Variants in NOL4 observed in about 807,000 individuals in gnomAD.
The protein encoded by NOL4 is cancer/testis antigen 125.
NOL4 carries 17 observed loss-of-function variants against 75.9 expected under a neutral mutation model. The ratio of observed to expected loss-of-function variants is 0.22; its 90% confidence interval spans 0.15 to 0.34. The LOEUF is 0.34. Ranked by LOEUF, NOL4 falls within the 10% of genes least tolerant of loss-of-function variation. NOL4 has a pLI of 1.00. For missense variants in NOL4, 614 were observed against 793.5 expected, an observed-to-expected ratio of 0.77 and a Z score of 2.72; for synonymous variants, 292 against 289.9, an observed-to-expected ratio of 1.01 and a Z score of -0.07.
intron 1 of NOL4, among the ~76,000 whole-genome samples, chr18:34,216,477 A>C (rs978603029): frequency 1.3e-5 from 2 of 152,054 alleles, no homozygotes; most frequent in Admixed American, 1.3e-4. Flanking sequence ...AATCAAATCA[A>C]GGAATTCAGA....
intron 1 of NOL4, among the ~76,000 whole-genome samples, chr18:34,203,271 C>A (rs1332671349): frequency 6.6e-6 from 1 of 151,848 alleles, no homozygotes; most frequent in Non-Finnish European, 1.5e-5. Flanking sequence ...GAACAGGGGT[C>A]ATGGCAGGAT....
Position 34,175,133 on chromosome 18 carries a change from C to T in NOL4, c.265-45113G>A, listed in dbSNP as rs915415662. On this transcript the variant is annotated intron_variant, in intron 1 of 10. Coordinates refer to ENST00000261592, the MANE Select transcript of NOL4 (RefSeq NM_003787.5). ...TTTATTGCGGCACTATTCACAATGG[C>T]CCACATTCCTATACAGCCTGGTAGC... Among the ~76,000 whole-genome samples, 24 of 152,230 alleles carry T rather than the reference C, an allele frequency of 1.6e-4. 1 individual carries two copies. The East Asian group carries it at 4.7e-3, about 30-fold the overall frequency.
intron 10 of NOL4, among the ~76,000 whole-genome samples, chr18:33,864,643 G>A (rs1012003796): frequency 4.6e-5 from 7 of 152,106 alleles, no homozygotes; most frequent in South Asian, 2.1e-4. Flanking sequence ...TACCCAGTTC[G>A]AAAGTTGCTT....
intron 5 of NOL4, among the ~76,000 whole-genome samples, chr18:34,043,153 G>C (rs370397247): frequency 2.0e-5 from 3 of 152,100 alleles, no homozygotes; most frequent in African/African-American, 7.2e-5. Flanking sequence ...TGTACTTACA[G>C]TGTGCATGAT....
At chr18:34,133,956 T>A (rs1432479829) in intron 1 of NOL4, among the ~76,000 whole-genome samples, 1 of 151,870 alleles carries the variant, frequency 6.6e-6, no homozygotes, top group Non-Finnish European at 1.5e-5. Flanking sequence ...CTGGGAGGTG[T>A]AGGTTGCAAT....
At chr18:33,937,787 C>T (rs1237049034) in intron 9 of NOL4, among the ~76,000 whole-genome samples, 2 of 152,064 alleles carry the variant, frequency 1.3e-5, no homozygotes, top group South Asian at 2.1e-4. Flanking sequence ...AGTTTATACA[C>T]TTTTAAGATA....
At chr18:34,036,315 C>A (rs909753864) in intron 5 of NOL4, among the ~76,000 whole-genome samples, 1 of 151,882 alleles carries the variant, frequency 6.6e-6, no homozygotes, top group African/African-American at 2.4e-5. Flanking sequence ...AGGGTGGTTT[C>A]ATGTACCCAA....
At position 34,129,592 on chromosome 18, in the gene NOL4, T is replaced by C. The variant is rs994419602; in HGVS notation, c.414+279A>G. On this transcript the variant is annotated intron_variant, in intron 2 of 10. Transcript: ENST00000261592. ...TATATAATATTCATAATATAATATA[T>C]AATATATGTCCCCATTTGTGGACAT... Among the ~76,000 whole-genome samples, 4 of 151,396 alleles carry C rather than the reference T, an allele frequency of 2.6e-5. No homozygotes were observed. In the South Asian group the frequency reaches 8.3e-4, roughly 31 times the overall value.
At chr18:33,881,713 T>A (rs970713728) in intron 10 of NOL4, among the ~76,000 whole-genome samples, 1 of 152,104 alleles carries the variant, frequency 6.6e-6, no homozygotes, top group Non-Finnish European at 1.5e-5. Context: ...ACTTTAAAGT[T>A]CATATGGAAC....
chr18:33,871,430 AGGACATTCTGAGATCCCCAGG>A (rs1185993826), intron 10 of NOL4, among the ~76,000 whole-genome samples: 1 of 152,030 alleles, frequency 6.6e-6, no homozygotes, highest in East Asian at 1.9e-4. Flanking sequence ...CTGAAAAAGC[AGGACATTCTGAGATCCCCAGG>A]AGAACCCCTT....
intron 5 of NOL4, among the ~76,000 whole-genome samples, chr18:34,030,548 T>C (rs2075586223): frequency 6.6e-6 from 1 of 152,182 alleles, no homozygotes; most frequent in South Asian, 2.1e-4. Context: ...CTTCAAAAAT[T>C]GGAATATTGA....
intron 1 of NOL4, chr18:34,221,931 G>A (rs2037339795): frequency 1.8e-6 from 2 of 1,101,890 alleles, no homozygotes; most frequent in Non-Finnish European, 2.6e-6. Flanking sequence ...GGGGGGAAAG[G>A]AAGAAATGCT....
chr18:34,170,812 A>C (rs2032959884), intron 1 of NOL4, among the ~76,000 whole-genome samples: 2 of 152,156 alleles, frequency 1.3e-5, no homozygotes, highest in Non-Finnish European at 2.9e-5. Flanking sequence ...CAATATACAT[A>C]CTATGGCTAA....
chr18:34,104,027 T>C lies in NOL4; in HGVS notation c.639+20A>G. 1.3e-6 allele frequency: 2 copies of C among 1,508,532 alleles called. No individual in the cohort carries two copies. Among genetic ancestry groups the C allele is most frequent in the Non-Finnish European group, 1.8e-6 (2 of 1,084,722 alleles). The allele number at this position is 1,508,532 out of a possible 1,614,324, so 93.4% of individuals were successfully genotyped here. A position where few individuals can be genotyped will look rare whatever the true frequency, so the allele number is the denominator to read the frequency against. On this transcript the variant is annotated intron_variant, in intron 4 of 10. Coordinates refer to ENST00000261592, the MANE Select transcript of NOL4 (RefSeq NM_003787.5). ...CGTTCCAATTTGTAAGTAATACAAATGTAGATGTTTTTATTTTACCTCATC... is the reference window on the plus strand; with the variant it reads ...CGTTCCAATTTGTAAGTAATACAAACGTAGATGTTTTTATTTTACCTCATC...
intron 6 of NOL4, among the ~76,000 whole-genome samples, chr18:34,007,896 G>C (rs555285268): frequency 6.6e-6 from 1 of 152,030 alleles, no homozygotes; most frequent in East Asian, 1.9e-4. Flanking sequence ...ATAAGTGGGG[G>C]ACTTGTGATG....
chr18:33,970,691 T>G (rs1390535867), intron 6 of NOL4, among the ~76,000 whole-genome samples: 1 of 152,164 alleles, frequency 6.6e-6, no homozygotes, highest in South Asian at 2.1e-4. Flanking sequence ...TATATAGAAC[T>G]TTCGTTACTG....
intron 2 of NOL4, among the ~76,000 whole-genome samples, chr18:34,113,636 C>T (rs1007452070): frequency 1.1e-4 from 15 of 136,294 alleles, no homozygotes; most frequent in African/African-American, 3.5e-4. Flanking sequence ...GACAGTGCCT[C>T]TTAAAAAAAA....
intron 9 of NOL4, among the ~76,000 whole-genome samples, chr18:33,916,654 T>C (rs2066738453): frequency 6.6e-6 from 1 of 152,204 alleles, no homozygotes; most frequent in African/African-American, 2.4e-5. Context: ...GTGCCAATAT[T>C]CAAATTAAAA....
chr18:34,131,046 A>G (rs1390629870), intron 1 of NOL4, among the ~76,000 whole-genome samples: 1 of 147,980 alleles, frequency 6.8e-6, no homozygotes, highest in Admixed American at 6.9e-5. Flanking sequence ...AAACACACAC[A>G]TACACATACA....
Sources: gnomAD v4.1 joint callset for allele counts (sites outside exome capture counted in the v4.1 genomes callset) on GRCh38, gnomAD v4.1.1 for gene constraint, MANE v1.5 for transcripts, NCBI Gene and HGNC (gene_info 2026-07-23, HGNC 2026-07-21) for gene names.